TRIO: variants seen among roughly 807,000 people sequenced by gnomAD.
TRIO encodes the protein trio Rho guanine nucleotide exchange factor, also known as triple functional domain protein.
A neutral mutation model predicts 351.9 loss-of-function variants in TRIO; 58 were observed. The ratio of observed to expected loss-of-function variants is 0.16; its 90% CI spans 0.13 to 0.21. The LOEUF is 0.21. Among genes scored for constraint, TRIO ranks in the 10% least tolerant of loss-of-function variants. TRIO has a pLI of 1.00. For missense variants in TRIO, 3,201 were observed against 4,027.8 expected (o/e 0.79, Z 5.56); for synonymous variants, 1,758 against 1,595.7 (o/e 1.10, Z -2.42).
At chr5:14,421,469 C>T (rs941429587) in intron 34 of TRIO, among the ~76,000 whole-genome samples, 5 of 151,182 alleles carry the variant, frequency 3.3e-5, no homozygotes, top group Non-Finnish European at 5.9e-5. Context: ...CTGGGTGTGG[C>T]GGCAGACGCC....
chr5:14,303,963 A>G (rs540617247), intron 7 of TRIO, among the ~76,000 whole-genome samples: 1 of 152,284 alleles, frequency 6.6e-6, no homozygotes, highest in South Asian at 2.1e-4. Context: ...TGATTTTTAG[A>G]TACCTGGAAC....
chr5:14,424,151 G>A (rs1357739230), intron 34 of TRIO, among the ~76,000 whole-genome samples: 1 of 152,080 alleles, frequency 6.6e-6, no homozygotes, highest in South Asian at 2.1e-4. Flanking sequence ...CTGTCAGGAG[G>A]CCTGAGATGG....
chr5:14,311,462 T>A (rs1738926396), intron 8 of TRIO, among the ~76,000 whole-genome samples: 1 of 152,210 alleles, frequency 6.6e-6, no homozygotes, highest in South Asian at 2.1e-4. Flanking sequence ...TGGGAAAGTA[T>A]CTGTCGTTGG....
intron 11 of TRIO, among the ~76,000 whole-genome samples, chr5:14,350,254 A>C (rs1742938037): frequency 6.6e-6 from 1 of 152,194 alleles, no homozygotes; most frequent in African/African-American, 2.4e-5. Flanking sequence ...GCAAAGAGGA[A>C]TTACACTTTG....
rs1253901122 is a variant in TRIO at position 14,372,270 on chromosome 5, G to GAA, written c.3217-1958_3217-1957insAA. Among the ~76,000 whole-genome samples the GAA allele has an allele frequency of 8.5e-4, 128 of 150,400 alleles. 1 individual carries two copies. The highest frequency in any genetic ancestry group is 1.8e-3 in the Admixed American group (27 of 15,058). Reference sequence around the variant, plus strand: ...CGGGGGTGTGAGAGAGAGAGAGAGAGAGAGAGTGCAGGCGAGCTTGGAAAA... The same window carrying GAA: ...CGGGGGTGTGAGAGAGAGAGAGAGAGAAAGAGAGTGCAGGCGAGCTTGGAAAA... On this transcript the variant is annotated intron_variant, in intron 18 of 56. Transcript: ENST00000344204.
rs1747847350 is a variant in TRIO at position 14,399,046 on chromosome 5, G to A, written c.4590G>A (p.Lys1530=). ...KEVKDSSGRS[K]YLYKSKLFTS... ...TGAAAGATTCCAGTGGGAGAAGCAA[G>A]TACCTTTATAAAAGCAAATTGTTTG... is the stretch of plus-strand genomic sequence containing the variant. Residue 1530 remains lysine (K), a synonymous_variant, in exon 30 of 57, where the codon AAG becomes AAA. Transcript: ENST00000344204. 6.2e-7 allele frequency: 1 copy of A among 1,614,132 alleles called. No homozygotes were observed. Among genetic ancestry groups the A allele is most frequent in the Non-Finnish European group, 8.5e-7 (1 of 1,180,010 alleles).
chr5:14,403,720 TGTGGTGAGGGTGCAG>T (rs1561448832), intron 31 of TRIO, among the ~76,000 whole-genome samples: 1 of 28,164 alleles, frequency 3.6e-5, no homozygotes. Context: ...GGGTGTAGGT[TGTGGTGAGGGTGCAG>T]GTGGTGGTGA....
Position 14,474,083 on chromosome 5 carries a change from C to T in TRIO, c.6069C>T (p.Tyr2023=), listed in dbSNP as rs773566784. The T allele has an allele frequency of 2.8e-5, 45 of 1,613,004 alleles. No homozygotes were observed. The highest frequency in any genetic ancestry group is 1.3e-4 in the East Asian group (6 of 44,894). Residue 2023 remains tyrosine (Y), a synonymous_variant, in exon 40 of 57, where the codon TAC becomes TAT. Coordinates refer to ENST00000344204, the MANE Select transcript of TRIO (RefSeq NM_007118.4). ...TGTTCGGCAACATCCATCAGATTTA[C>T]GACTGGCACAGAGAGTACGTAAACA... ...KIVFGNIHQI[Y]DWHRDFFLGE...
intron 34 of TRIO, among the ~76,000 whole-genome samples, chr5:14,438,643 C>T (rs986260531): frequency 1.4e-4 from 22 of 152,224 alleles, no homozygotes; most frequent in Admixed American, 2.0e-4. Context: ...CAGACCAGAT[C>T]CCTGGCCATG....
rs2126680525 is a variant in TRIO, at chr5:14,497,936, A to G, written c.8047+62A>G. On this transcript the variant is annotated intron_variant, in intron 51 of 56. Transcript: ENST00000344204. This position sits in a 1 kb window ranked among gnomAD's most constrained non-coding sequence, Gnocchi z 4.4. ...ATTCTAGACCTGTGGGGCATGTTTC[A>G]GAGCACTTGAGTGTGGCCTCTGGAA... The G allele has an allele frequency of 6.2e-7, 1 of 1,612,596 alleles. No homozygotes were observed. The highest frequency in any genetic ancestry group is 2.2e-5 in the East Asian group (1 of 44,872).
rs148061704 is a variant in TRIO, at chr5:14,249,018, G to A, written c.158-21807G>A. Reference sequence around the variant, plus strand: ...TGCTATGCTCAACACAGGGGTCCAGGTGAGCTAGATGTACATAGTTCCTGC... The same window carrying A: ...TGCTATGCTCAACACAGGGGTCCAGATGAGCTAGATGTACATAGTTCCTGC... On this transcript the variant is annotated intron_variant, in intron 1 of 56. Coordinates refer to ENST00000344204, the MANE Select transcript of TRIO (RefSeq NM_007118.4). Among the ~76,000 whole-genome samples the A allele has an allele frequency of 6.2e-3, 938 of 152,334 alleles. 8 individuals carry two copies. Among genetic ancestry groups the A allele is most frequent in the African/African-American group, 0.021 (886 of 41,570 alleles).
intron 1 of TRIO, among the ~76,000 whole-genome samples, chr5:14,256,189 T>C (rs1462297851): frequency 6.6e-6 from 1 of 152,090 alleles, no homozygotes. Flanking sequence ...AACTAGTGTC[T>C]CACATGGTGA....
In TRIO at chr5:14,466,435, C is replaced by T. The variant is rs565100352; in HGVS notation, c.5763+795C>T. The T allele has an allele frequency of 3.3e-5, 5 of 152,278 alleles. No homozygotes were observed. The East Asian group carries it at 9.6e-4, about 29-fold the overall frequency. 9.4% of individuals were successfully genotyped at this position (152,278 alleles called of 1,614,324 possible). A position where few individuals can be genotyped will look rare whatever the true frequency, so the allele number is the denominator to read the frequency against. ...GATCTCTTTGTTGCCAGTTGGCCAA[C>T]GTGGGTTCATTTGATAAAAGCCCCA... On this transcript the variant is annotated intron_variant, in intron 37 of 56. Transcript: ENST00000344204.
chr5:14,172,015 G>A (rs1468436886), intron 1 of TRIO, among the ~76,000 whole-genome samples: 1 of 152,164 alleles, frequency 6.6e-6, no homozygotes, highest in East Asian at 1.9e-4. Context: ...CTGCAGATAA[G>A]TTGAGTAGTG....
At chr5:14,479,633 T>A (rs1229333593) in intron 42 of TRIO, among the ~76,000 whole-genome samples, 1 of 152,090 alleles carries the variant, frequency 6.6e-6, no homozygotes, top group Non-Finnish European at 1.5e-5. Flanking sequence ...AGAATAATTA[T>A]TATCTAAACT....
intron 1 of TRIO, among the ~76,000 whole-genome samples, chr5:14,192,211 A>G (rs750412585): frequency 6.6e-6 from 1 of 152,076 alleles, no homozygotes; most frequent in African/African-American, 2.4e-5. Flanking sequence ...GAGGTTTCCA[A>G]ATTATTTATT....
chr5:14,475,359 T>C (rs902842099), intron 40 of TRIO, among the ~76,000 whole-genome samples: 5 of 138,954 alleles, frequency 3.6e-5, no homozygotes, highest in African/African-American at 1.1e-4. Context: ...CTGAGCTCCA[T>C]ACTTGCTTCT....
chr5:14,234,124 C>T (rs1007471792), intron 1 of TRIO, among the ~76,000 whole-genome samples: 11 of 152,220 alleles, frequency 7.2e-5, no homozygotes, highest in Admixed American at 1.3e-4. Flanking sequence ...ATACCAGAGA[C>T]GTCTAAAATA....
rs1277092519 is a variant in TRIO at position 14,497,960 on chromosome 5, A to C, written c.8047+86A>C. The C allele has an allele frequency of 1.2e-6, 2 of 1,611,006 alleles. No individual in the cohort carries two copies. Among genetic ancestry groups the C allele is most frequent in the East Asian group, 4.5e-5 (2 of 44,876 alleles). On this transcript the variant is annotated intron_variant, in intron 51 of 56. Coordinates refer to ENST00000344204, the MANE Select transcript of TRIO (RefSeq NM_007118.4). The surrounding 1 kb of genome is among the most constrained non-coding windows in gnomAD (Gnocchi z 4.4). The stretch of plus-strand genomic sequence containing the variant: ...CAGAGCACTTGAGTGTGGCCTCTGG[A>C]AATGAGTTTTCCGTGGCGCTCTAGG...
Sources: gnomAD v4.1 joint callset for allele counts (sites outside exome capture counted in the v4.1 genomes callset) on GRCh38, gnomAD v4.1.1 for gene constraint, Gnocchi (gnomAD v3.1) non-coding constraint, MANE v1.5 for transcripts, NCBI Gene and HGNC (gene_info 2026-07-23, HGNC 2026-07-21) for gene names.